LINGO1: variants seen among roughly 807,000 people sequenced by gnomAD.
The protein encoded by LINGO1 is leucine rich repeat and Ig domain containing 1.
Under a neutral mutation model 37.3 loss-of-function variants are expected in LINGO1, and 11 were observed. The observed-to-expected ratio is 0.29, with a 90% confidence interval of 0.19 to 0.49. The LOEUF (loss-of-function observed/expected upper bound fraction) is 0.49, where lower values mean the gene tolerates loss of function less well. LINGO1 is among the 20% of genes least tolerant of loss of function. The pLI is 0.99. For missense variants in LINGO1, 585 were observed against 878.2 expected, an observed-to-expected ratio of 0.67 and a Z score of 4.22; for synonymous variants, 387 against 403.0, an observed-to-expected ratio of 0.96 and a Z score of 0.48.
chr15:77,616,052 C>T (rs1282700753), intron 1 of LINGO1, among the ~76,000 whole-genome samples, 152 bp from the exon 2 acceptor site: 7 of 152,124 alleles, frequency 4.6e-5, no homozygotes, highest in Non-Finnish European at 1.0e-4. Flanking sequence ...GCCAGAGGGC[C>T]TCTGGCCTCC....
intron 3 of LINGO1, among the ~76,000 whole-genome samples, chr15:77,655,316 G>C (rs560750055): frequency 6.6e-6 from 1 of 152,258 alleles, no homozygotes; most frequent in African/African-American, 2.4e-5. Flanking sequence ...GCCTGGGTTG[G>C]GCCCAGGTTG....
At chr15:77,722,709 A>G (rs2076062401) in intron 2 of LINGO1, among the ~76,000 whole-genome samples, 1 of 152,196 alleles carries the variant, frequency 6.6e-6, no homozygotes, top group Non-Finnish European at 1.5e-5. Flanking sequence ...ATATTTATGG[A>G]AAAAATTATA....
At chr15:77,806,925 G>A (rs375693381) in intron 1 of LINGO1, among the ~76,000 whole-genome samples, 1 of 152,140 alleles carries the variant, frequency 6.6e-6, no homozygotes, top group East Asian at 1.9e-4. Context: ...GTCCTGCTTG[G>A]AACCCTTCCA....
intron 1 of LINGO1, among the ~76,000 whole-genome samples, chr15:77,819,074 A>G (rs2077073330): frequency 6.7e-6 from 1 of 150,002 alleles, no homozygotes; most frequent in African/African-American, 2.5e-5. Context: ...GCTGCCGAGC[A>G]CGCCCCCTCC....
chr15:77,698,142 C>T (rs1342005902), upstream of LINGO1, among the ~76,000 whole-genome samples: 25 of 151,958 alleles, frequency 1.6e-4, no homozygotes, highest in Admixed American at 1.6e-3. Flanking sequence ...TAGAGGAGGG[C>T]GGATGAGGGA....
chr15:77,795,739 C>T (rs980897132), intron 2 of LINGO1, among the ~76,000 whole-genome samples: 7 of 152,240 alleles, frequency 4.6e-5, no homozygotes, highest in Admixed American at 1.3e-4. Flanking sequence ...CTGGGAAGAA[C>T]GCCCCACGCT....
chr15:77,819,659 C>T (rs903752381), intron 1 of LINGO1: 1 of 151,312 alleles, frequency 6.6e-6, no homozygotes, highest in Non-Finnish European at 1.5e-5. Context: ...GACCCCCTGC[C>T]GGGACGGCCG....
intron 1 of LINGO1, among the ~76,000 whole-genome samples, chr15:77,808,063 G>A (rs2076974569): frequency 1.3e-5 from 2 of 152,098 alleles, no homozygotes; most frequent in Admixed American, 1.3e-4. Context: ...GGGTCAAGGG[G>A]GAGAGAAGCC....
chr15:77,675,539 C>T (rs1343346598), intron 3 of LINGO1, among the ~76,000 whole-genome samples: 2 of 151,954 alleles, frequency 1.3e-5, no homozygotes, highest in South Asian at 2.1e-4. Flanking sequence ...CTAATATGAG[C>T]CCATGTTTTT....
At chr15:77,695,488 G>C (rs961472990) in intron 1 of LINGO1, among the ~76,000 whole-genome samples, 7 of 152,332 alleles carry the variant, frequency 4.6e-5, no homozygotes, top group African/African-American at 1.4e-4. Context: ...CTCAGATCTA[G>C]CCACTAGTGT....
At chr15:77,781,075 A>G (rs112332750) in intron 1 of LINGO1, among the ~76,000 whole-genome samples, 71 of 152,370 alleles carry the variant, frequency 4.7e-4, no homozygotes, top group African/African-American at 1.6e-3. Flanking sequence ...GCCAAGGCCC[A>G]TCCTTCAGCC....
At chr15:77,761,332 T>C (rs2076474972) in intron 1 of LINGO1, among the ~76,000 whole-genome samples, 2 of 152,136 alleles carry the variant, frequency 1.3e-5, no homozygotes, top group Non-Finnish European at 2.9e-5. Flanking sequence ...GTGAACACAA[T>C]GCAAATTGTG....
upstream of LINGO1, among the ~76,000 whole-genome samples, chr15:77,698,230 C>T (rs1017595899): frequency 6.6e-6 from 1 of 152,156 alleles, no homozygotes; most frequent in Non-Finnish European, 1.5e-5. Flanking sequence ...GAGCATCCCC[C>T]ACGCCTTCTG....
At chr15:77,664,170 TGCGC>T (rs143405934) in intron 3 of LINGO1, among the ~76,000 whole-genome samples, 2 of 130,946 alleles carry the variant, frequency 1.5e-5, no homozygotes, top group African/African-American at 7.3e-5. Context: ...TGTGTGTGTG[TGCGC>T]GCGCGCATGC....
chr15:77,712,201 C>T (rs1023085831), intron 2 of LINGO1, among the ~76,000 whole-genome samples: 5 of 152,144 alleles, frequency 3.3e-5, no homozygotes, highest in Non-Finnish European at 7.4e-5. Context: ...TTCCCTGCAG[C>T]CTCTATCCCA....
chr15:77,711,887 G>C (rs574932111), intron 2 of LINGO1, among the ~76,000 whole-genome samples: 3 of 152,092 alleles, frequency 2.0e-5, no homozygotes, highest in African/African-American at 4.8e-5. Flanking sequence ...CCTCTGAGGG[G>C]GGGGCACACA....
At chr15:77,705,030 T>C (rs1028150757) in intron 2 of LINGO1, among the ~76,000 whole-genome samples, 3 of 152,082 alleles carry the variant, frequency 2.0e-5, no homozygotes, top group African/African-American at 7.2e-5. Context: ...GCTGGGTTAA[T>C]CTTCTGTCAT....
intron 2 of LINGO1, among the ~76,000 whole-genome samples, chr15:77,730,539 G>A (rs112297041): frequency 0.018 from 2,742 of 152,246 alleles, 30 homozygotes; most frequent in Middle Eastern, 0.027. Flanking sequence ...CGTCTGTGCC[G>A]GGCTGCCCCT....
At chr15:77,746,441 G>A (rs1284464626) in intron 1 of LINGO1, among the ~76,000 whole-genome samples, 1 of 152,118 alleles carries the variant, frequency 6.6e-6, no homozygotes, top group African/African-American at 2.4e-5. Context: ...TAGGTCTAAA[G>A]CCAGTACTGC....
Sources: allele counts gnomAD v4.1 joint callset (sites outside exome capture counted in the v4.1 genomes callset), GRCh38; gene constraint gnomAD v4.1.1; transcripts MANE v1.5; gene names NCBI Gene and HGNC (gene_info 2026-07-23, HGNC 2026-07-21).